The following FGF12 variants were observed in gnomAD, a reference collection of about 807,000 sequenced individuals.
FGF12 encodes the protein fibroblast growth factor 12B.
FGF12 carries 14 observed loss-of-function variants against 23.6 expected under a neutral mutation model. The ratio of observed to expected loss-of-function variants is 0.59; its 90% CI spans 0.39 to 0.93. The LOEUF (loss-of-function observed/expected upper bound fraction) is 0.93, where lower values mean the gene tolerates loss of function less well. FGF12 is among the 40% of genes least tolerant of loss of function. The pLI is 0.00. For synonymous variants in FGF12, 62 were observed against 77.3 expected (o/e 0.80, Z 1.04); for missense variants, 175 against 217.8 (o/e 0.80, Z 1.24).
Position 192,514,973 on chromosome 3 carries a change from C to G in FGF12, c.14-154435G>C, listed in dbSNP as rs975560095. On this transcript the variant is annotated intron_variant, in intron 2 of 5. Transcript: ENST00000445105. The surrounding 1 kb of genome is among the most constrained non-coding windows in gnomAD (Gnocchi z 4.9). ...CCGCCGGGGGCAGCCCTCCGAGAGC[C>G]CGAGGCGCTGCCACCCCTCGGTGGG... 21 of 597,504 alleles carry G rather than the reference C, an allele frequency of 3.5e-5. No homozygotes were observed. In the African/African-American group the frequency reaches 3.8e-4, roughly 11 times the overall value. 37.0% of individuals were successfully genotyped at this position (597,504 alleles called of 1,614,324 possible). A position where few individuals can be genotyped will look rare whatever the true frequency, so the allele number is the denominator to read the frequency against.
intron 2 of FGF12, among the ~76,000 whole-genome samples, chr3:192,716,252 T>A (rs4484146): frequency 6.6e-6 from 1 of 152,208 alleles, no homozygotes; most frequent in Non-Finnish European, 1.5e-5. Flanking sequence ...GTTGGAAAAC[T>A]GGTCAGAAAG....
chr3:192,355,411 A>G (rs1560082820), intron 3 of FGF12, among the ~76,000 whole-genome samples: 1 of 152,254 alleles, frequency 6.6e-6, no homozygotes, highest in South Asian at 2.1e-4. Context: ...ATAAGTGCAT[A>G]GACTATATCA....
intron 4 of FGF12, among the ~76,000 whole-genome samples, chr3:192,182,880 G>C (rs1178309298): frequency 6.6e-6 from 1 of 152,198 alleles, no homozygotes; most frequent in Non-Finnish European, 1.5e-5. Flanking sequence ...GCTTTTATTG[G>C]GGGTCTTATG....
intron 2 of FGF12, among the ~76,000 whole-genome samples, chr3:192,378,934 T>C (rs1372607694): frequency 1.3e-5 from 2 of 152,158 alleles, no homozygotes; most frequent in Non-Finnish European, 2.9e-5. Context: ...AAGAAGGCCC[T>C]AGCATCTGTT....
chr3:192,581,293 T>C (rs962673473), intron 2 of FGF12, among the ~76,000 whole-genome samples: 2 of 151,894 alleles, frequency 1.3e-5, no homozygotes, highest in African/African-American at 4.8e-5. Context: ...CAGCCGGGCA[T>C]AGTGGCTTAT....
intron 2 of FGF12, among the ~76,000 whole-genome samples, chr3:192,721,009 G>A (rs2108746823): frequency 6.6e-6 from 1 of 152,308 alleles, no homozygotes; most frequent in South Asian, 2.1e-4. Flanking sequence ...CCCATAAGAT[G>A]TAGAGACAAA....
chr3:192,207,614 G>A (rs559201246), intron 4 of FGF12, among the ~76,000 whole-genome samples: 1 of 152,186 alleles, frequency 6.6e-6, no homozygotes, highest in African/African-American at 2.4e-5. Context: ...AAGTGTTGCT[G>A]GAAAAGCAGT....
At chr3:192,719,802 A>AAAAAC (rs1553849219) in intron 2 of FGF12, among the ~76,000 whole-genome samples, 1 of 138,960 alleles carries the variant, frequency 7.2e-6, no homozygotes, top group Non-Finnish European at 1.5e-5. Flanking sequence ...AAAAAAAAAA[A>AAAAAC]AAGAAAAACA....
At chr3:192,555,594 C>T (rs1474563535) in intron 2 of FGF12, among the ~76,000 whole-genome samples, 2 of 144,326 alleles carry the variant, frequency 1.4e-5, no homozygotes, top group East Asian at 4.1e-4. Flanking sequence ...ACCAGCCTGG[C>T]CAACATAGCG....
rs142851391 is a variant in FGF12 at position 192,616,988 on chromosome 3, A to T, written c.13+110193T>A. Among the ~76,000 whole-genome samples, 1,017 of 152,154 alleles carry T rather than the reference A, an allele frequency of 6.7e-3. 19 individuals carry two copies. Among genetic ancestry groups the T allele is most frequent in the African/African-American group, 0.023 (974 of 41,536 alleles). On this transcript the variant is annotated intron_variant, in intron 2 of 5. Transcript: ENST00000445105. Reference sequence around the variant, plus strand: ...TGACCTTCAAATACCTAAAGAACAGATACATGGAAGAGAGGTTAAAAGTAT... The same window carrying T: ...TGACCTTCAAATACCTAAAGAACAGTTACATGGAAGAGAGGTTAAAAGTAT...
intron 2 of FGF12, among the ~76,000 whole-genome samples, chr3:192,681,360 G>A (rs1236951690): frequency 6.6e-6 from 1 of 152,208 alleles, no homozygotes; most frequent in Non-Finnish European, 1.5e-5. Flanking sequence ...GTGTCATTTG[G>A]CAAGGTGAGA....
intron 5 of FGF12, among the ~76,000 whole-genome samples, chr3:192,168,572 CT>C (rs1428793551): frequency 6.6e-6 from 1 of 152,192 alleles, no homozygotes; most frequent in African/African-American, 2.4e-5. Flanking sequence ...TAACATTTTA[CT>C]TTTGCTCTGA....
At chr3:192,532,057 A>G (rs752056317) in intron 2 of FGF12, among the ~76,000 whole-genome samples, 21 of 152,206 alleles carry the variant, frequency 1.4e-4, no homozygotes, top group Non-Finnish European at 2.4e-4. Flanking sequence ...TCAATTAGCT[A>G]TAAGTGTTTG....
chr3:192,726,472 G>T (rs75886565), intron 2 of FGF12, among the ~76,000 whole-genome samples: 1,832 of 152,256 alleles, frequency 0.012, 33 homozygotes, highest in African/African-American at 0.04. Flanking sequence ...TGTTCAATAT[G>T]CCATTCAGAA....
chr3:192,295,652 C>T (rs556858403), intron 4 of FGF12, among the ~76,000 whole-genome samples: 5 of 152,240 alleles, frequency 3.3e-5, no homozygotes, highest in African/African-American at 1.2e-4. Flanking sequence ...TAAAGTATAT[C>T]AACCTAGAGT....
chr3:192,277,107 A>G (rs772695851), intron 4 of FGF12, among the ~76,000 whole-genome samples: 5 of 152,148 alleles, frequency 3.3e-5, no homozygotes, highest in African/African-American at 1.2e-4. Context: ...TTTCCTCTCA[A>G]TCTGCCTCTT....
rs954762818 is a variant in FGF12, at chr3:192,360,129, GTTCC to G, written c.124+295_124+298del. ...TTGTGTTGGAAGATGTGCTTGTATT[GTTCC>G]TAGGAGTGTGTATCATCATGCTGCC... On this transcript the variant is annotated intron_variant, in intron 3 of 5. Coordinates refer to ENST00000445105, the MANE Select transcript of FGF12 (RefSeq NM_004113.6). This position sits in a 1 kb window ranked among gnomAD's most constrained non-coding sequence, Gnocchi z 4.3. 6.6e-6 allele frequency among the ~76,000 whole-genome samples: 1 copy of G among 152,000 alleles called. No homozygotes were observed. Among genetic ancestry groups the G allele is most frequent in the Non-Finnish European group, 1.5e-5 (1 of 67,998 alleles).
intron 2 of FGF12, among the ~76,000 whole-genome samples, chr3:192,384,377 C>G (rs1475675940): frequency 6.6e-6 from 1 of 152,128 alleles, no homozygotes; most frequent in African/African-American, 2.4e-5. Context: ...TTGAAAACAG[C>G]AAGAAGCTAG....
At chr3:192,660,619 A>G (rs1414198858) in intron 2 of FGF12, among the ~76,000 whole-genome samples, 1 of 152,136 alleles carries the variant, frequency 6.6e-6, no homozygotes, top group Non-Finnish European at 1.5e-5. Context: ...TTTTTGGAAA[A>G]GTAAGAACTA....
Sources: allele counts gnomAD v4.1 joint callset (sites outside exome capture counted in the v4.1 genomes callset), GRCh38; gene constraint gnomAD v4.1.1; non-coding constraint Gnocchi (gnomAD v3.1); transcripts MANE v1.5; gene names NCBI Gene and HGNC (gene_info 2026-07-23, HGNC 2026-07-21).